NME7: variants seen among roughly 807,000 people sequenced by gnomAD.
The protein encoded by NME7 is nucleoside diphosphate kinase 7.
NME7 carries 41 observed loss-of-function variants against 49.1 expected under a neutral mutation model. That is an observed-to-expected ratio of 0.83 (90% CI 0.65 to 1.08). NME7 has a LOEUF of 1.08. NME7 is among the 50% of genes least tolerant of loss of function. The probability of loss-of-function intolerance (pLI) is 0.00; values close to 1 mark genes in which losing one functional copy is unlikely to be tolerated. For synonymous variants in NME7, 139 were observed against 150.6 expected (o/e 0.92, Z 0.56); for missense variants, 423 against 463.4 (o/e 0.91, Z 0.80).
chr1:169,184,019 C>A (rs1288052345), intron 10 of NME7, among the ~76,000 whole-genome samples: 1 of 151,182 alleles, frequency 6.6e-6, no homozygotes, highest in Non-Finnish European at 1.5e-5. Flanking sequence ...AAAAGAAAAA[C>A]TTTTTATTAG....
chr1:169,291,502 C>T lies in NME7; in HGVS notation c.649-4094G>A, dbSNP rs538227703. ...GAACATCACACACCGTGGCATGTTG[C>T]GGGGTGGGGGGCTAGGGGAAGGATA... On this transcript the variant is annotated intron_variant, in intron 6 of 11. Transcript: ENST00000367811. 7.2e-5 allele frequency among the ~76,000 whole-genome samples: 11 copies of T among 151,746 alleles called. No individual in the cohort carries two copies. The East Asian group carries it at 1.4e-3, about 19-fold the overall frequency.
At chr1:169,351,786 C>T (rs1318481323) in intron 1 of NME7, among the ~76,000 whole-genome samples, 1 of 151,926 alleles carries the variant, frequency 6.6e-6, no homozygotes, top group East Asian at 1.9e-4. Flanking sequence ...TTGATGGCTA[C>T]TATGAGCAAC....
At chr1:169,293,275 G>A (rs868407870) in intron 6 of NME7, among the ~76,000 whole-genome samples, 28 of 148,572 alleles carry the variant, frequency 1.9e-4, no homozygotes, top group Admixed American at 8.8e-4. Flanking sequence ...ACTCCAGCTT[G>A]GGCAGCAGAG....
At chr1:169,229,188 C>T (rs1205063391) in intron 10 of NME7, among the ~76,000 whole-genome samples, 4 of 152,180 alleles carry the variant, frequency 2.6e-5, no homozygotes, top group Non-Finnish European at 2.9e-5. Flanking sequence ...AAATCACACC[C>T]ATCTCTACCA....
intron 7 of NME7, among the ~76,000 whole-genome samples, chr1:169,272,819 C>G (rs1425097723): frequency 2.3e-5 from 3 of 131,320 alleles, no homozygotes; most frequent in Non-Finnish European, 5.4e-5. Context: ...CCAGTAATGG[C>G]ATTGCTGGGT....
At chr1:169,318,602 G>T (rs1295965821) in intron 3 of NME7, among the ~76,000 whole-genome samples, 1 of 152,160 alleles carries the variant, frequency 6.6e-6, no homozygotes, top group African/African-American at 2.4e-5. Flanking sequence ...TTTTGAATTT[G>T]TCAATTAATT....
At chr1:169,291,508 G>C (rs970918918) in intron 6 of NME7, among the ~76,000 whole-genome samples, 1 of 152,042 alleles carries the variant, frequency 6.6e-6, no homozygotes, top group South Asian at 2.1e-4. Context: ...GTTGCGGGGT[G>C]GGGGGCTAGG....
chr1:169,159,007 A>T (rs932684354), intron 11 of NME7, among the ~76,000 whole-genome samples: 6 of 152,064 alleles, frequency 3.9e-5, no homozygotes, highest in Non-Finnish European at 8.8e-5. Flanking sequence ...AGTGGGAGCA[A>T]TGTTCCCAAG....
At chr1:169,364,149 C>T (rs1295072311) in intron 1 of NME7, among the ~76,000 whole-genome samples, 3 of 152,112 alleles carry the variant, frequency 2.0e-5, no homozygotes, top group African/African-American at 4.8e-5. Flanking sequence ...GTATTCATTC[C>T]GCAAACATTT....
At chr1:169,267,264 A>C (rs1649344980) in intron 7 of NME7, among the ~76,000 whole-genome samples, 1 of 133,534 alleles carries the variant, frequency 7.5e-6, no homozygotes, top group East Asian at 2.0e-4. Flanking sequence ...CAAAGAAATC[A>C]GAGATAACAC....
chr1:169,179,543 G>A (rs1225267010), intron 10 of NME7, among the ~76,000 whole-genome samples: 1 of 152,092 alleles, frequency 6.6e-6, no homozygotes, highest in Non-Finnish European at 1.5e-5. Context: ...CAATAGCAAA[G>A]ACATAGAATC....
chr1:169,149,818 AT>A (rs962508478), intron 11 of NME7, among the ~76,000 whole-genome samples: 1 of 152,180 alleles, frequency 6.6e-6, no homozygotes, highest in Non-Finnish European at 1.5e-5. Context: ...TCCATTAAAT[AT>A]TTTTGAACTA....
At position 169,258,128 on chromosome 1, in the gene NME7, A is replaced by G. The variant is rs984336748; in HGVS notation, c.755-20441T>C. ...CAAGTCAGGAGGACTCCTTGAGTCC[A>G]GGAGTTTGTGGCCAGCCTGGGAACC... is the stretch of plus-strand genomic sequence containing the variant. On this transcript the variant is annotated intron_variant, in intron 7 of 11. Coordinates refer to ENST00000367811, the MANE Select transcript of NME7 (RefSeq NM_013330.5). Among the ~76,000 whole-genome samples the G allele has an allele frequency of 3.8e-5, 5 of 130,898 alleles. 2 individuals are homozygous for G. Among genetic ancestry groups the G allele is most frequent in the Non-Finnish European group, 7.1e-5 (4 of 56,066 alleles). The allele number at this position is 130,898 out of a possible 152,430, so 85.9% of individuals were successfully genotyped here.
intron 7 of NME7, among the ~76,000 whole-genome samples, chr1:169,249,243 C>A (rs1423580635): frequency 6.6e-6 from 1 of 151,758 alleles, no homozygotes; most frequent in Non-Finnish European, 1.5e-5. Context: ...TTTTTTCCAG[C>A]TGTTGTGAAA....
At chr1:169,222,580 C>A (rs533667101) in intron 10 of NME7, among the ~76,000 whole-genome samples, 108 of 152,248 alleles carry the variant, frequency 7.1e-4, no homozygotes, top group African/African-American at 2.3e-3. Context: ...ATTGACCAGA[C>A]CTGCTTAGAG....
chr1:169,253,681 A>G (rs913926844), intron 7 of NME7, among the ~76,000 whole-genome samples: 14 of 152,330 alleles, frequency 9.2e-5, no homozygotes, highest in African/African-American at 3.1e-4. Flanking sequence ...CCCATTCAGT[A>G]TGATACTGGC....
intron 2 of NME7, among the ~76,000 whole-genome samples, chr1:169,323,958 A>G (rs767350425): frequency 4.8e-5 from 7 of 145,486 alleles, no homozygotes; most frequent in Admixed American, 7.3e-5. Flanking sequence ...AGTTCAAGCT[A>G]TTCTCCTGCC....
In NME7 at chr1:169,263,851, A is replaced by T. The variant is rs190627819; in HGVS notation, c.754+23452T>A. 3.7e-3 allele frequency among the ~76,000 whole-genome samples: 491 copies of T among 132,590 alleles called. 113 individuals carry two copies. The highest frequency in any genetic ancestry group is 0.019 in the South Asian group (79 of 4,242). The allele number at this position is 132,590 out of a possible 152,430, so 87.0% of individuals were successfully genotyped here. A position where few individuals can be genotyped will look rare whatever the true frequency, so the allele number is the denominator to read the frequency against. On this transcript the variant is annotated intron_variant, in intron 7 of 11. Transcript: ENST00000367811. ...AAAAATGTTAAAAGCAGCTAGAGAGAAAGGACAGGTCACCTAAAAAGAGAA... is the reference window on the plus strand; with the variant it reads ...AAAAATGTTAAAAGCAGCTAGAGAGTAAGGACAGGTCACCTAAAAAGAGAA...
intron 8 of NME7, among the ~76,000 whole-genome samples, chr1:169,235,595 C>G (rs1475283040): frequency 2.0e-4 from 30 of 152,068 alleles, no homozygotes; most frequent in Admixed American, 1.9e-3. Flanking sequence ...CTGAATAAAA[C>G]CTCATTCTTG....
Sources: allele counts gnomAD v4.1 joint callset (sites outside exome capture counted in the v4.1 genomes callset), GRCh38; gene constraint gnomAD v4.1.1; transcripts MANE v1.5; gene names NCBI Gene and HGNC (gene_info 2026-07-23, HGNC 2026-07-21).